CTNNA3: variants seen among roughly 807,000 people sequenced by gnomAD.
The protein encoded by CTNNA3 is catenin alpha-3.
CTNNA3 carries 76 observed loss-of-function variants against 95.7 expected under a neutral mutation model. That is an observed-to-expected ratio of 0.79 (90% CI 0.66 to 0.96). The LOEUF is 0.96. CTNNA3 is among the 40% of genes least tolerant of loss of function. The pLI, the probability that CTNNA3 is intolerant of heterozygous loss-of-function variation, is 0.00. For missense variants in CTNNA3, 1,191 were observed against 1,089.8 expected, an observed-to-expected ratio of 1.09 and a Z score of -1.31; for synonymous variants, 431 against 374.4, an observed-to-expected ratio of 1.15 and a Z score of -1.74.
chr10:66,510,651 T>A (rs1840622573), intron 11 of CTNNA3, among the ~76,000 whole-genome samples: 1 of 151,874 alleles, frequency 6.6e-6, no homozygotes, highest in African/African-American at 2.4e-5. Context: ...ATTGAGATAA[T>A]ATGTTTTTAA....
intron 1 of CTNNA3, among the ~76,000 whole-genome samples, chr10:67,761,337 T>C (rs904733634): frequency 6.6e-6 from 1 of 152,194 alleles, no homozygotes; most frequent in Non-Finnish European, 1.5e-5. Context: ...CTAACTTTAA[T>C]GGTTCTTCCA....
intron 5 of CTNNA3, among the ~76,000 whole-genome samples, chr10:67,470,642 AACACACACACACAC>A (rs10695283): frequency 6.7e-6 from 1 of 148,610 alleles, no homozygotes; most frequent in Non-Finnish European, 1.5e-5. Flanking sequence ...GCAAGTTTGC[AACACACACACACAC>A]ACACACACAC....
chr10:66,864,153 T>C (rs1277636135), intron 7 of CTNNA3, among the ~76,000 whole-genome samples: 5 of 152,162 alleles, frequency 3.3e-5, no homozygotes, highest in African/African-American at 1.2e-4. Context: ...TTGGAATATG[T>C]TTCCCAAAGA....
chr10:67,084,892 A>C (rs7923320), intron 7 of CTNNA3, among the ~76,000 whole-genome samples: 28,126 of 151,768 alleles, frequency 0.19, 4,020 homozygotes, highest in African/African-American at 0.4. Flanking sequence ...AATAATAAGA[A>C]AACCAGTTTA....
At chr10:65,947,544 A>G (rs1033386409) in intron 17 of CTNNA3, among the ~76,000 whole-genome samples, 1 of 152,198 alleles carries the variant, frequency 6.6e-6, no homozygotes, top group African/African-American at 2.4e-5. Context: ...TTGTCCAGTG[A>G]GCAACCTTTC....
chr10:65,943,340 G>A (rs973497482), intron 17 of CTNNA3, among the ~76,000 whole-genome samples: 5 of 152,036 alleles, frequency 3.3e-5, no homozygotes, highest in Admixed American at 1.3e-4. Context: ...TAGTTATGTC[G>A]TTTTTAATAT....
chr10:67,455,449 C>T (rs891824002), intron 5 of CTNNA3, among the ~76,000 whole-genome samples: 3 of 152,110 alleles, frequency 2.0e-5, no homozygotes, highest in Non-Finnish European at 4.4e-5. Flanking sequence ...TGAGTGTGGA[C>T]TGCATTAGTG....
At chr10:67,563,011 C>A (rs1333928133) in intron 3 of CTNNA3, among the ~76,000 whole-genome samples, 1 of 151,998 alleles carries the variant, frequency 6.6e-6, no homozygotes, top group Non-Finnish European at 1.5e-5. Context: ...AATGGAAGAA[C>A]ATTCCATGCT....
chr10:66,001,718 A>T (rs559616842), intron 15 of CTNNA3, among the ~76,000 whole-genome samples: 4 of 152,130 alleles, frequency 2.6e-5, no homozygotes, highest in Admixed American at 2.6e-4. Flanking sequence ...TTTTATAAAA[A>T]TCTACCTTTT....
At chr10:67,346,413 T>C (rs1842414612) in intron 5 of CTNNA3, among the ~76,000 whole-genome samples, 1 of 152,214 alleles carries the variant, frequency 6.6e-6, no homozygotes, top group South Asian at 2.1e-4. Context: ...GCAGGACAGG[T>C]CTGGTGTTGG....
chr10:66,550,182 A>C (rs1209167678), intron 10 of CTNNA3, among the ~76,000 whole-genome samples: 1 of 152,082 alleles, frequency 6.6e-6, no homozygotes, highest in Non-Finnish European at 1.5e-5. Context: ...ATCATGATAA[A>C]ATTTTTACAA....
chr10:65,944,842 A>G (rs901466831), intron 17 of CTNNA3, among the ~76,000 whole-genome samples: 3 of 147,754 alleles, frequency 2.0e-5, no homozygotes, highest in African/African-American at 7.5e-5. Flanking sequence ...AGTAACAAAC[A>G]AGAAAATATC....
At chr10:66,699,609 TG>T (rs1377116117) in intron 9 of CTNNA3, among the ~76,000 whole-genome samples, 1 of 152,058 alleles carries the variant, frequency 6.6e-6, no homozygotes, top group South Asian at 2.1e-4. Context: ...CACATATACA[TG>T]GGTATGCACA....
intron 13 of CTNNA3, among the ~76,000 whole-genome samples, chr10:66,202,978 TA>T (rs2087528667): frequency 6.6e-6 from 1 of 152,206 alleles, no homozygotes; most frequent in Non-Finnish European, 1.5e-5. Context: ...CTGTATGGAC[TA>T]GAAATGTAAA....
At chr10:66,708,464 C>T (rs975990782) in intron 9 of CTNNA3, among the ~76,000 whole-genome samples, 1 of 151,982 alleles carries the variant, frequency 6.6e-6, no homozygotes, top group African/African-American at 2.4e-5. Context: ...TACAAGGACA[C>T]TAGTCATGTT....
Position 66,207,525 on chromosome 10 carries a change from T to C in CTNNA3, c.1884+72945A>G, listed in dbSNP as rs190701072. 1.0e-3 allele frequency among the ~76,000 whole-genome samples: 152 copies of C among 152,178 alleles called. 1 individual carries two copies. The highest frequency in any genetic ancestry group is 3.5e-3 in the African/African-American group (146 of 41,570). ...GTTTTCCCAAGCATTATCCATGTCT[T>C]AGCCATATTCTTTGCTCTCATGTTA... On this transcript the variant is annotated intron_variant, in intron 13 of 17. Transcript: ENST00000433211.
intron 11 of CTNNA3, among the ~76,000 whole-genome samples, chr10:66,414,066 T>C (rs1008044762): frequency 1.3e-5 from 2 of 152,214 alleles, no homozygotes; most frequent in Admixed American, 1.3e-4. Context: ...TTTATTCTCC[T>C]AAATTTATTC....
chr10:65,922,287 A>G (rs759189513), intron 17 of CTNNA3, among the ~76,000 whole-genome samples: 1 of 152,160 alleles, frequency 6.6e-6, no homozygotes, highest in Non-Finnish European at 1.5e-5. Flanking sequence ...GCTTGCTCTT[A>G]TTTTTGTAAT....
At chr10:66,964,534 C>A (rs1267145958) in intron 7 of CTNNA3, among the ~76,000 whole-genome samples, 4 of 152,114 alleles carry the variant, frequency 2.6e-5, no homozygotes, top group Non-Finnish European at 5.9e-5. Flanking sequence ...ATGTGCTCAG[C>A]CTGGGAGAAA....
Sources: gnomAD v4.1 joint callset for allele counts (sites outside exome capture counted in the v4.1 genomes callset) on GRCh38, gnomAD v4.1.1 for gene constraint, MANE v1.5 for transcripts, NCBI Gene and HGNC (gene_info 2026-07-23, HGNC 2026-07-21) for gene names.